The following CRLF2 variants were observed in gnomAD, a reference collection of about 807,000 sequenced individuals.
The protein encoded by CRLF2 is cytokine receptor like factor 2.
A neutral mutation model predicts 38.7 loss-of-function variants in CRLF2; 41 were observed. That is an observed-to-expected ratio of 1.06 (90% confidence interval 0.83 to 1.37). The LOEUF is 1.37. Ranked by LOEUF, CRLF2 falls within the 40% of genes most tolerant of loss-of-function variation. The pLI is 0.00. For missense variants in CRLF2, 377 were observed against 322.2 expected (o/e 1.17, Z -1.30); for synonymous variants, 140 against 128.8 (o/e 1.09, Z -0.59).
At chrX:1,209,702 A>C (rs2086761725) in intron 1 of CRLF2, among the ~76,000 whole-genome samples, 1 of 152,148 alleles carries the variant, frequency 6.6e-6, no homozygotes, top group African/African-American at 2.4e-5. Flanking sequence ...TGTATAGATC[A>C]ATCATGTATC....
chrX:1,197,762 C>G (rs1238060068), intron 5 of CRLF2, among the ~76,000 whole-genome samples: 2 of 151,532 alleles, frequency 1.3e-5, no homozygotes, highest in East Asian at 1.9e-4. Context: ...TGCAGTGAGC[C>G]AAGACCGTGC....
intron 7 of CRLF2, among the ~76,000 whole-genome samples, chrX:1,192,170 A>G (rs1226124318): frequency 1.1e-4 from 14 of 130,154 alleles, no homozygotes; most frequent in East Asian, 2.6e-4. Flanking sequence ...CCGCCACTGC[A>G]CTCCAGCCTG....
At chrX:1,191,386 C>CTTTCTT (rs2086378818) in intron 7 of CRLF2, among the ~76,000 whole-genome samples, 3 of 72,032 alleles carry the variant, frequency 4.2e-5, no homozygotes, top group African/African-American at 4.7e-5. Flanking sequence ...CTTTCTTTCT[C>CTTTCTT]TCTTTCTCTC....
intron 2 of CRLF2, 32 bp from the exon 3 acceptor site, chrX:1,206,631 A>G: frequency 6.2e-7 from 1 of 1,605,082 alleles, no homozygotes; most frequent in Non-Finnish European, 8.5e-7. Flanking sequence ...ATTCAGCAAC[A>G]AAACAAAAAA....
intron 4 of CRLF2, 191 bp from the exon 5 acceptor site, chrX:1,198,915 G>A (rs1455864136): frequency 1.4e-5 from 9 of 627,108 alleles, no homozygotes; most frequent in Admixed American, 1.1e-4. Context: ...TTGGGAGGCT[G>A]AGGCGGGTGG....
chrX:1,191,312 T>TCTTTCTTTCTTTCTTTCTTTC (rs2086371171), intron 7 of CRLF2, among the ~76,000 whole-genome samples, 152 bp from the exon 8 acceptor site: 1 of 111,370 alleles, frequency 9.0e-6, no homozygotes, highest in East Asian at 3.4e-4. Context: ...TTTCTTTCTT[T>TCTTTCTTTCTTTCTTTCTTTC]CTTTCTTTCT....
intron 7 of CRLF2, among the ~76,000 whole-genome samples, chrX:1,192,211 A>AAAAC (rs1363902058): frequency 1.4e-5 from 2 of 140,022 alleles, no homozygotes; most frequent in African/African-American, 2.5e-5. Context: ...TCTCAAAAAA[A>AAAAC]AAAAAAAAAC....
intron 7 of CRLF2, among the ~76,000 whole-genome samples, chrX:1,192,439 A>C (rs1352735692): frequency 6.6e-6 from 1 of 150,626 alleles, no homozygotes; most frequent in African/African-American, 2.4e-5. Context: ...ATGGTGAAAA[A>C]ACCCATCTGT....
chrX:1,208,661 G>A, intron 2 of CRLF2, 145 bp downstream of exon 2: 1 of 636,136 alleles, frequency 1.6e-6, no homozygotes, highest in South Asian at 1.9e-5. Context: ...TGTGGTGAGG[G>A]CTGAGGGTTT....
At chrX:1,203,672 G>C (rs1316885080) in intron 3 of CRLF2, among the ~76,000 whole-genome samples, 3 of 152,134 alleles carry the variant, frequency 2.0e-5, no homozygotes, top group South Asian at 4.1e-4. Context: ...CCCAGGAGCT[G>C]GGAGAGGCAG....
intron 6 of CRLF2, among the ~76,000 whole-genome samples, chrX:1,193,623 CA>C (rs1378046169): frequency 6.7e-6 from 1 of 149,694 alleles, no homozygotes; most frequent in African/African-American, 2.5e-5. Context: ...AATAAAAATA[CA>C]AAAAAAAATT....
intron 2 of CRLF2, among the ~76,000 whole-genome samples, chrX:1,208,289 T>C (rs1442988158): frequency 1.3e-5 from 2 of 152,082 alleles, no homozygotes; most frequent in East Asian, 3.9e-4. Flanking sequence ...CCGGATGCCG[T>C]GGCTCACGCC....
intron 3 of CRLF2, among the ~76,000 whole-genome samples, chrX:1,204,944 C>T (rs1328456796): frequency 6.6e-6 from 1 of 152,082 alleles, no homozygotes; most frequent in Non-Finnish European, 1.5e-5. Flanking sequence ...CTCAGCCTCC[C>T]GAACAGCTAG....
At chrX:1,198,052 C>G in intron 5 of CRLF2, among the ~76,000 whole-genome samples, 2 of 152,196 alleles carry the variant, frequency 1.3e-5, no homozygotes, top group South Asian at 2.1e-4. Context: ...GAGAATGAAA[C>G]AAGGAGAGGA....
At chrX:1,198,530 G>T (rs750513915) in intron 5 of CRLF2, 32 bp downstream of exon 5, 4 of 1,612,034 alleles carry the variant, frequency 2.5e-6, no homozygotes, top group African/African-American at 1.3e-5. Flanking sequence ...TGGTGACAAG[G>T]CTATGGGACA....
chrX:1,198,694 T>C lies in CRLF2; in HGVS notation c.514A>G (p.Ile172Val), dbSNP rs757703756. ...CACTTCTCGGCATCCAAGCCTTCTA[T>C]GGTGACGTTGCAGGTATTTTCCTGT... Reference protein sequence around the residue: ...SKQENTCNVTIEGLDAEKCYS... With the variant: ...SKQENTCNVTVEGLDAEKCYS... Residue 172 changes from isoleucine to valine, a missense_variant, in exon 5 of 8, where the codon ATA becomes GTA. Ile to Val is a conservative substitution (Grantham distance 29, BLOSUM62 3). Coordinates refer to ENST00000400841, the MANE Select transcript of CRLF2 (RefSeq NM_022148.4). The C allele has an allele frequency of 1.2e-6, 2 of 1,612,858 alleles. No homozygotes were observed. Among genetic ancestry groups the C allele is most frequent in the East Asian group, 4.5e-5 (2 of 44,818 alleles).
At chrX:1,198,792 T>C in intron 4 of CRLF2, 68 bp from the exon 5 acceptor site, 1 of 1,289,386 alleles carries the variant, frequency 7.8e-7, no homozygotes, top group Non-Finnish European at 1.1e-6. Context: ...CAATGATTAG[T>C]GATGTAACCT....
chrX:1,198,430 A>G (rs866226888), intron 5 of CRLF2, 132 bp downstream of exon 5: 4,201 of 261,984 alleles, frequency 0.016, 10 homozygotes, highest in African/African-American at 0.029. Context: ...CCCACCTCCC[A>G]GGAAGGCAGG....
At chrX:1,209,564 C>T (rs1175000464) in intron 1 of CRLF2, among the ~76,000 whole-genome samples, 2 of 151,894 alleles carry the variant, frequency 1.3e-5, no homozygotes, top group African/African-American at 2.4e-5. Flanking sequence ...ATCTCCTGAC[C>T]TCGTGATCCG....
Sources: allele counts gnomAD v4.1 joint callset (sites outside exome capture counted in the v4.1 genomes callset), GRCh38; gene constraint gnomAD v4.1.1; transcripts MANE v1.5; gene names NCBI Gene and HGNC (gene_info 2026-07-23, HGNC 2026-07-21).